Variants in TRIP4 observed in about 807,000 individuals in gnomAD.
The protein encoded by TRIP4 is activating signal cointegrator 1.
In TRIP4, 54 loss-of-function variants were observed where a neutral mutation model predicts 81.8. That is an observed-to-expected ratio of 0.66 (90% CI 0.53 to 0.83). The LOEUF is 0.83. Ranked by LOEUF, TRIP4 falls within the 40% of genes least tolerant of loss-of-function variation. TRIP4 has a pLI of 0.00. For missense variants in TRIP4, 662 were observed against 683.6 expected, an observed-to-expected ratio of 0.97 and a Z score of 0.35; for synonymous variants, 270 against 242.8, an observed-to-expected ratio of 1.11 and a Z score of -1.04.
intron 10 of TRIP4, 72 bp downstream of exon 10, chr15:64,424,227 T>C: frequency 6.3e-7 from 1 of 1,586,234 alleles, no homozygotes; most frequent in East Asian, 2.2e-5. Context: ...TTCTTTCACT[T>C]CCTTCTTTCT....
At chr15:64,447,859 G>A (rs1596365112) in intron 12 of TRIP4, among the ~76,000 whole-genome samples, 1 of 152,132 alleles carries the variant, frequency 6.6e-6, no homozygotes, top group Non-Finnish European at 1.5e-5. Context: ...CTACAGGTAT[G>A]TGCCACCACG....
chr15:64,414,691 T>C (rs893049715), intron 8 of TRIP4, among the ~76,000 whole-genome samples: 3 of 151,902 alleles, frequency 2.0e-5, no homozygotes, highest in Non-Finnish European at 4.4e-5. Flanking sequence ...GAATTTTTTG[T>C]ATTTTTTAAT....
At chr15:64,430,385 T>G (rs934268008) in intron 11 of TRIP4, among the ~76,000 whole-genome samples, 2 of 152,272 alleles carry the variant, frequency 1.3e-5, no homozygotes, top group East Asian at 3.8e-4. Context: ...CCATGCTGTT[T>G]GCCAGCATTT....
chr15:64,393,874 A>T, intron 1 of TRIP4, 72 bp from the exon 2 acceptor site: 1 of 1,404,202 alleles, frequency 7.1e-7, no homozygotes, highest in Non-Finnish European at 9.5e-7. Context: ...TACTACCTAG[A>T]TCTCTGTTAA....
At chr15:64,424,260 A>G in intron 10 of TRIP4, 105 bp downstream of exon 10, 5 of 1,485,640 alleles carry the variant, frequency 3.4e-6, no homozygotes, top group Non-Finnish European at 3.7e-6. Flanking sequence ...TTGTTAAAAG[A>G]GACTTTTAAT....
chr15:64,389,316 A>G (rs763203681), intron 1 of TRIP4, among the ~76,000 whole-genome samples: 1 of 152,190 alleles, frequency 6.6e-6, no homozygotes, highest in African/African-American at 2.4e-5. Flanking sequence ...GCAAGGAGAC[A>G]GTTCAAGTAG....
chr15:64,428,631 C>T (rs1025125086), intron 11 of TRIP4, among the ~76,000 whole-genome samples: 3 of 151,908 alleles, frequency 2.0e-5, no homozygotes, highest in South Asian at 2.1e-4. Context: ...TTTTTTGAGA[C>T]GGAGTCTCAC....
At chr15:64,392,003 C>CA in intron 1 of TRIP4, among the ~76,000 whole-genome samples, 2 of 137,172 alleles carry the variant, frequency 1.5e-5, no homozygotes, top group Middle Eastern at 9.2e-3. Context: ...AAGCCAGGTG[C>CA]AGCGGCTCAG....
At chr15:64,426,580 A>G (rs759824864) in intron 11 of TRIP4, among the ~76,000 whole-genome samples, 16 of 151,764 alleles carry the variant, frequency 1.1e-4, no homozygotes, top group Non-Finnish European at 2.4e-4. Flanking sequence ...CATGCCTGTA[A>G]TCCCAGCTAC....
intron 1 of TRIP4, among the ~76,000 whole-genome samples, chr15:64,389,063 T>C (rs1900038620): frequency 6.6e-6 from 1 of 152,116 alleles, no homozygotes; most frequent in African/African-American, 2.4e-5. Context: ...TCATTAAGAT[T>C]TGAAAAACTC....
chr15:64,412,954 G>T (rs958002677), intron 7 of TRIP4, among the ~76,000 whole-genome samples: 2 of 152,120 alleles, frequency 1.3e-5, no homozygotes, highest in Admixed American at 6.6e-5. Context: ...AACAGGGGAT[G>T]TATCCAATGA....
intron 11 of TRIP4, among the ~76,000 whole-genome samples, chr15:64,442,537 G>A (rs1257395066): frequency 4.0e-5 from 6 of 151,552 alleles, no homozygotes; most frequent in African/African-American, 1.5e-4. Flanking sequence ...CTCCTGCCTG[G>A]GCCTCCCAAA....
chr15:64,435,213 C>CAAAAAAA (rs35216763), intron 11 of TRIP4, among the ~76,000 whole-genome samples: 2 of 50,422 alleles, frequency 4.0e-5, no homozygotes, highest in Admixed American at 3.0e-4. Flanking sequence ...GACCCCATCT[C>CAAAAAAA]AAAAAAAAAA....
chr15:64,422,739 T>G (rs1356034394), intron 9 of TRIP4, among the ~76,000 whole-genome samples: 1 of 152,240 alleles, frequency 6.6e-6, no homozygotes, highest in Non-Finnish European at 1.5e-5. Context: ...AGCGAAAGAA[T>G]GAGCAGCATC....
intron 5 of TRIP4, among the ~76,000 whole-genome samples, chr15:64,402,194 TG>T (rs1233610263): frequency 6.6e-6 from 1 of 152,046 alleles, no homozygotes; most frequent in Non-Finnish European, 1.5e-5. Context: ...CTTTTATGCT[TG>T]AAACACACCT....
At chr15:64,411,696 T>TC (rs1230414294) in intron 7 of TRIP4, among the ~76,000 whole-genome samples, 1 of 151,784 alleles carries the variant, frequency 6.6e-6, no homozygotes, top group Non-Finnish European at 1.5e-5. Flanking sequence ...TTTTTTTTTT[T>TC]TGAGACAAAG....
At position 64,397,648 on chromosome 15, in the gene TRIP4, G is replaced by A. The variant is rs1449071368; in HGVS notation, c.448G>A (p.Val150Ile). 1 of 1,613,614 alleles carries A rather than the reference G, an allele frequency of 6.2e-7. No individual in the cohort carries two copies. Among genetic ancestry groups the A allele is most frequent in the Non-Finnish European group, 8.5e-7 (1 of 1,179,632 alleles). ...SNSVKKKTKF[V>I]NLYTREGQDR... ...CTCCGTAAAGAAGAAGACAAAGTTT[G>A]TCAATTTATACACAAGAGAGGGACA... Residue 150 changes from valine to isoleucine, a missense_variant, in exon 4 of 13, where the codon GTC (valine) becomes ATC (isoleucine). Val to Ile is a conservative substitution (Grantham distance 29, BLOSUM62 3). Coordinates refer to ENST00000261884, the MANE Select transcript of TRIP4 (RefSeq NM_016213.5).
chr15:64,420,063 C>G (rs1891976351), intron 9 of TRIP4, among the ~76,000 whole-genome samples: 1 of 151,890 alleles, frequency 6.6e-6, no homozygotes, highest in Non-Finnish European at 1.5e-5. Context: ...ATTCGCCCAC[C>G]TTGGCCTCCC....
chr15:64,416,743 A>G (rs1414789396), intron 8 of TRIP4, among the ~76,000 whole-genome samples: 1 of 152,122 alleles, frequency 6.6e-6, no homozygotes, highest in Non-Finnish European at 1.5e-5. Flanking sequence ...CAAGAACCGT[A>G]TCTTTTTCAT....
Sources: allele counts gnomAD v4.1 joint callset (sites outside exome capture counted in the v4.1 genomes callset), GRCh38; gene constraint gnomAD v4.1.1; transcripts MANE v1.5; gene names NCBI Gene and HGNC (gene_info 2026-07-23, HGNC 2026-07-21).